Variants in EFCAB6 observed in about 807,000 individuals in gnomAD.
The protein encoded by EFCAB6 is EF-hand calcium binding domain 6.
In EFCAB6, 156 loss-of-function variants were observed where a neutral mutation model predicts 169.8. That is an observed-to-expected ratio of 0.92 (90% CI 0.81 to 1.05). EFCAB6 has a LOEUF of 1.05. Ranked by LOEUF, EFCAB6 falls within the 50% of genes least tolerant of loss-of-function variation. EFCAB6 has a pLI of 0.00. For synonymous variants in EFCAB6, 698 were observed against 676.4 expected, an observed-to-expected ratio of 1.03 and a Z score of -0.50; for missense variants, 1,800 against 1,829.1, an observed-to-expected ratio of 0.98 and a Z score of 0.29.
At chr22:43,655,671 C>T (rs766268895) in intron 17 of EFCAB6, among the ~76,000 whole-genome samples, 4 of 151,842 alleles carry the variant, frequency 2.6e-5, no homozygotes, top group South Asian at 4.2e-4. Context: ...ATGTATAGAA[C>T]GGACCGAATA....
intron 26 of EFCAB6, among the ~76,000 whole-genome samples, chr22:43,561,116 T>C (rs906912879): frequency 6.6e-6 from 1 of 152,056 alleles, no homozygotes; most frequent in Admixed American, 6.5e-5. Flanking sequence ...CTCAGCACTT[T>C]GGGAGGCCAA....
chr22:43,663,911 T>C (rs910403397), intron 17 of EFCAB6, among the ~76,000 whole-genome samples: 9 of 152,218 alleles, frequency 5.9e-5, no homozygotes, highest in Admixed American at 5.2e-4. Flanking sequence ...ATTTCCATTA[T>C]CTGCAAGCCA....
At chr22:43,633,572 A>T (rs191121885) in intron 18 of EFCAB6, among the ~76,000 whole-genome samples, 1 of 152,270 alleles carries the variant, frequency 6.6e-6, no homozygotes, top group Non-Finnish European at 1.5e-5. Flanking sequence ...GAACAAAAAC[A>T]AACAAACAAA....
At chr22:43,658,462 G>A (rs944089470) in intron 17 of EFCAB6, among the ~76,000 whole-genome samples, 3 of 152,124 alleles carry the variant, frequency 2.0e-5, no homozygotes, top group East Asian at 1.9e-4. Context: ...TTGGAGACCC[G>A]GGTGGGCCCA....
intron 24 of EFCAB6, among the ~76,000 whole-genome samples, chr22:43,581,192 C>T (rs2050699753): frequency 6.6e-6 from 1 of 152,050 alleles, no homozygotes; most frequent in African/African-American, 2.4e-5. Flanking sequence ...CAAGAAGGGC[C>T]TGGACTTAGA....
intron 10 of EFCAB6, among the ~76,000 whole-genome samples, chr22:43,688,448 C>A (rs2058282806): frequency 6.6e-6 from 1 of 152,130 alleles, no homozygotes; most frequent in Non-Finnish European, 1.5e-5. Context: ...AACACATTTC[C>A]AAAGTGAATA....
At chr22:43,689,349 GCA>G (rs3221390) in intron 10 of EFCAB6, among the ~76,000 whole-genome samples, 94 of 147,066 alleles carry the variant, frequency 6.4e-4, no homozygotes, top group East Asian at 5.7e-3. Context: ...GAGAGCACGT[GCA>G]CACACACACA....
rs148513315 is a variant in EFCAB6 at position 43,575,939 on chromosome 22, T to C, written c.3420+358A>G. ...AGACATGCTATAGTGTTTGCTGCTG[T>C]TATTATTAACCTGAAACCTTAAAAA... On this transcript the variant is annotated intron_variant, in intron 26 of 31. Transcript: ENST00000262726. Among the ~76,000 whole-genome samples the C allele has an allele frequency of 5.6e-3, 848 of 152,290 alleles. 9 individuals are homozygous for C. Among genetic ancestry groups the C allele is most frequent in the African/African-American group, 0.019 (806 of 41,556 alleles).
intron 2 of EFCAB6, among the ~76,000 whole-genome samples, chr22:43,806,956 T>C (rs2062944167): frequency 6.6e-6 from 1 of 152,214 alleles, no homozygotes; most frequent in Non-Finnish European, 1.5e-5. Flanking sequence ...ATGTGGTGGG[T>C]AAAATATGAA....
chr22:43,811,381 G>C (rs934091110), intron 1 of EFCAB6, among the ~76,000 whole-genome samples: 1 of 124,572 alleles, frequency 8.0e-6, no homozygotes, highest in Non-Finnish European at 1.7e-5. Context: ...GAAGGGAGGG[G>C]AGGGGAGGGA....
At chr22:43,674,408 G>A (rs1411678185) in intron 13 of EFCAB6, among the ~76,000 whole-genome samples, 3 of 152,130 alleles carry the variant, frequency 2.0e-5, no homozygotes, top group African/African-American at 7.2e-5. Context: ...ATGTGACTCT[G>A]AGACTGGGAG....
At chr22:43,540,082 G>A in intron 28 of EFCAB6, 45 bp downstream of exon 28, 1 of 1,600,762 alleles carries the variant, frequency 6.2e-7, no homozygotes, top group Non-Finnish European at 8.5e-7. Flanking sequence ...ATTTGTGGAT[G>A]TGGCATGAGG....
At position 43,534,772 on chromosome 22, in the gene EFCAB6, G is replaced by A. The variant is rs1377280080; in HGVS notation, c.4149C>T (p.Asp1383=). The change falls in exon 30 of 32, where the codon GAC becomes GAT. Residue 1383 remains aspartate, a synonymous_variant. Transcript: ENST00000262726. ...GCAGGAGGACACAGCTCTGAATGAA[G>A]TCACAGTATGCAAATTTCCCGTTGC... The part of the protein sequence containing the change: ...LKSNGKFAYC[D]FIQSCVLLLK... The A allele has an allele frequency of 6.2e-7, 1 of 1,614,026 alleles. No individual in the cohort carries two copies. Among genetic ancestry groups the A allele is most frequent in the South Asian group, 1.1e-5 (1 of 91,028 alleles).
At chr22:43,763,334 C>T (rs1193959770) in intron 5 of EFCAB6, among the ~76,000 whole-genome samples, 3 of 152,070 alleles carry the variant, frequency 2.0e-5, no homozygotes, top group Admixed American at 1.3e-4. Flanking sequence ...CCACCATGCC[C>T]GGCCATCTTT....
intron 17 of EFCAB6, among the ~76,000 whole-genome samples, chr22:43,644,012 C>T (rs1479647973): frequency 4.6e-5 from 7 of 151,976 alleles, no homozygotes; most frequent in East Asian, 3.9e-4. Context: ...TTAGTAGAGA[C>T]GGGGTTTCAC....
intron 24 of EFCAB6, among the ~76,000 whole-genome samples, chr22:43,584,270 C>T (rs993846655): frequency 1.3e-5 from 2 of 152,138 alleles, no homozygotes; most frequent in African/African-American, 4.8e-5. Flanking sequence ...CCTGGAGAGA[C>T]AGGCACATGC....
At chr22:43,589,280 CAAAAAAAAAAAAAAAAAAAAAAAAAAA>C (rs1163346832) in intron 24 of EFCAB6, among the ~76,000 whole-genome samples, 1 of 80,934 alleles carries the variant, frequency 1.2e-5, no homozygotes, top group Non-Finnish European at 2.4e-5. Flanking sequence ...GACTTCATGT[CAAAAAAAAAAAAAAAAAAAAAAAAAAA>C]AAAAAAAAAA....
At chr22:43,696,505 C>G (rs370998358) in intron 10 of EFCAB6, among the ~76,000 whole-genome samples, 9 of 152,258 alleles carry the variant, frequency 5.9e-5, no homozygotes, top group Admixed American at 6.5e-5. Flanking sequence ...ATGGTCATAG[C>G]AGTATCTTCT....
chr22:43,809,196 T>C (rs779367307), intron 1 of EFCAB6, 65 bp from the exon 2 acceptor site: 1 of 152,162 alleles, frequency 6.6e-6, no homozygotes, highest in Non-Finnish European at 1.5e-5. Context: ...AAGGCCTTAT[T>C]TCCCTGGAAA....
Sources: allele counts gnomAD v4.1 joint callset (sites outside exome capture counted in the v4.1 genomes callset), GRCh38; gene constraint gnomAD v4.1.1; transcripts MANE v1.5; gene names NCBI Gene and HGNC (gene_info 2026-07-23, HGNC 2026-07-21).